UNC79: variants seen among roughly 807,000 people sequenced by gnomAD.
UNC79 encodes the protein unc-79 subunit of NALCN channel complex, also known as protein unc-79 homolog.
Under a neutral mutation model 283.1 loss-of-function variants are expected in UNC79, and 37 were observed. That is an observed-to-expected ratio of 0.13 (90% confidence interval 0.10 to 0.17). The LOEUF (loss-of-function observed/expected upper bound fraction) is 0.17, where lower values mean the gene tolerates loss of function less well. Among genes scored for constraint, UNC79 ranks in the 10% least tolerant of loss-of-function variants. UNC79 has a pLI of 1.00. For synonymous variants in UNC79, 1,107 were observed against 1,200.2 expected (o/e 0.92, Z 1.61); for missense variants, 2,272 against 3,211.1 (o/e 0.71, Z 7.07).
chr14:93,376,501 C>T (rs1192934189), intron 1 of UNC79, among the ~76,000 whole-genome samples: 1 of 152,122 alleles, frequency 6.6e-6, no homozygotes, highest in Non-Finnish European at 1.5e-5. Flanking sequence ...CACATATACA[C>T]ATATAGCTAT....
At chr14:93,511,672 C>A (rs1292500270) in intron 7 of UNC79, among the ~76,000 whole-genome samples, 1 of 152,088 alleles carries the variant, frequency 6.6e-6, no homozygotes, top group Non-Finnish European at 1.5e-5. Flanking sequence ...GTCTCGATCC[C>A]TTGACCTCGT....
chr14:93,375,827 C>T (rs2054546622), intron 1 of UNC79, among the ~76,000 whole-genome samples: 1 of 152,208 alleles, frequency 6.6e-6, no homozygotes, highest in Admixed American at 6.5e-5. Context: ...CACCAGGCAC[C>T]ACCTTCAACA....
intron 27 of UNC79, among the ~76,000 whole-genome samples, chr14:93,616,866 T>C (rs1266332334): frequency 6.6e-6 from 1 of 152,226 alleles, no homozygotes; most frequent in Non-Finnish European, 1.5e-5. Context: ...GACAAAATTT[T>C]ATTTTCAATA....
chr14:93,508,010 GTGTT>G (rs1352776799), intron 7 of UNC79, among the ~76,000 whole-genome samples: 2 of 152,002 alleles, frequency 1.3e-5, no homozygotes, highest in African/African-American at 4.8e-5. Flanking sequence ...TTTATGGACT[GTGTT>G]TGTTTTCATT....
chr14:93,404,486 T>TAAAAAAAAAAAAAAAAAAAAA lies in UNC79; in HGVS notation c.-350-63177_-350-63176insAAAAAAAAAAAAAAAAAAAAA, dbSNP rs34406486. On this transcript the variant is annotated intron_variant, in intron 1 of 49. Transcript: ENST00000256339. ...GGCTGAATGACAGAGTGAGACCTTC[T>TAAAAAAAAAAAAAAAAAAAAA]AAAAAAAATATATATATATATATAT... 2.5e-4 allele frequency among the ~76,000 whole-genome samples: 13 copies of TAAAAAAAAAAAAAAAAAAAAA among 53,016 alleles called. 1 individual carries two copies. The highest frequency in any genetic ancestry group is 1.0e-3 in the African/African-American group (13 of 12,544). 34.8% of individuals were successfully genotyped at this position (53,016 alleles called of 152,430 possible). A position where few individuals can be genotyped will look rare whatever the true frequency, so the allele number is the denominator to read the frequency against.
At chr14:93,443,768 C>T (rs1477934916) in intron 1 of UNC79, among the ~76,000 whole-genome samples, 1 of 152,108 alleles carries the variant, frequency 6.6e-6, no homozygotes, top group Admixed American at 6.5e-5. Context: ...GAGAGTCACT[C>T]ATGTTGTTGG....
chr14:93,535,757 A>T (rs1436965112), intron 11 of UNC79, among the ~76,000 whole-genome samples: 1 of 151,972 alleles, frequency 6.6e-6, no homozygotes, highest in Non-Finnish European at 1.5e-5. Context: ...ATCTGGGAGG[A>T]GTATCTAATG....
At chr14:93,368,553 A>G (rs981396888) in intron 1 of UNC79, among the ~76,000 whole-genome samples, 1 of 152,082 alleles carries the variant, frequency 6.6e-6, no homozygotes, top group African/African-American at 2.4e-5. Context: ...ACGCACTGCA[A>G]CCTGTCTCCT....
chr14:93,600,160 A>C (rs2065396638), intron 24 of UNC79, among the ~76,000 whole-genome samples: 1 of 152,182 alleles, frequency 6.6e-6, no homozygotes, highest in South Asian at 2.1e-4. Flanking sequence ...AGATCCCATC[A>C]CTGCACTCCA....
intron 1 of UNC79, among the ~76,000 whole-genome samples, chr14:93,395,389 C>T (rs1428076178): frequency 2.0e-5 from 3 of 152,206 alleles, no homozygotes; most frequent in Admixed American, 6.5e-5. Context: ...GCTGGGAGGC[C>T]TCAGGAAACT....
At position 93,491,157 on chromosome 14, in the gene UNC79, G is replaced by A. The variant is rs552215849; in HGVS notation, c.712+3402G>A. Among the ~76,000 whole-genome samples, 18 of 152,136 alleles carry A rather than the reference G, an allele frequency of 1.2e-4. No individual in the cohort carries two copies. In the South Asian group the frequency reaches 3.7e-3, roughly 32 times the overall value. On this transcript the variant is annotated intron_variant, in intron 5 of 48. Coordinates refer to ENST00000555664, the Ensembl canonical transcript of UNC79. Reference sequence around the variant, plus strand: ...TTTCTCTGGGGCCTCTTTTATAAGGGCACTAATCACCTCCTAAAGGCTCCA... The same window carrying A: ...TTTCTCTGGGGCCTCTTTTATAAGGACACTAATCACCTCCTAAAGGCTCCA...
chr14:93,636,891 G>A (rs1463152524), intron 31 of UNC79, among the ~76,000 whole-genome samples: 1 of 152,190 alleles, frequency 6.6e-6, no homozygotes, highest in African/African-American at 2.4e-5. Flanking sequence ...TGTCATGGCT[G>A]TGATATTAGC....
intron 1 of UNC79, among the ~76,000 whole-genome samples, chr14:93,423,917 T>C (rs765998567): frequency 1.3e-5 from 2 of 152,098 alleles, no homozygotes; most frequent in Non-Finnish European, 2.9e-5. Context: ...ATCAACATAG[T>C]GAAGGGCTAA....
chr14:93,473,353 A>G (rs1287897938), intron 2 of UNC79, among the ~76,000 whole-genome samples: 1 of 152,180 alleles, frequency 6.6e-6, no homozygotes, highest in Admixed American at 6.5e-5. Flanking sequence ...ATAAATAACC[A>G]TTATCATTAG....
chr14:93,587,104 C>T (rs1189148536), intron 22 of UNC79, among the ~76,000 whole-genome samples, 196 bp downstream of exon 22: 2 of 152,008 alleles, frequency 1.3e-5, no homozygotes, highest in African/African-American at 4.8e-5. Flanking sequence ...TGGTAATTTC[C>T]ATTTGCCTGA....
chr14:93,546,937 C>T (rs1287108442), intron 14 of UNC79, among the ~76,000 whole-genome samples: 1 of 152,244 alleles, frequency 6.6e-6, no homozygotes, highest in East Asian at 1.9e-4. Flanking sequence ...TGAAAATAAG[C>T]ATTTTTGCTA....
At chr14:93,554,352 C>CA (rs779847738) in intron 14 of UNC79, among the ~76,000 whole-genome samples, 2,481 of 76,254 alleles carry the variant, frequency 0.033, 44 homozygotes, top group South Asian at 0.089. Flanking sequence ...GACTCTGTCT[C>CA]AAAAAAAAAA....
At chr14:93,490,965 A>G (rs775907285) in intron 5 of UNC79, among the ~76,000 whole-genome samples, 51 of 152,224 alleles carry the variant, frequency 3.4e-4, no homozygotes, top group Non-Finnish European at 7.1e-4. Context: ...CAAAAATTCT[A>G]TAAACTGGAT....
intron 11 of UNC79, among the ~76,000 whole-genome samples, chr14:93,533,410 C>T (rs1275689250): frequency 6.6e-6 from 1 of 152,162 alleles, no homozygotes; most frequent in Non-Finnish European, 1.5e-5. Flanking sequence ...ATGCTCAGCT[C>T]AGCTAAGCAG....
Sources: gnomAD v4.1 joint callset for allele counts (sites outside exome capture counted in the v4.1 genomes callset) on GRCh38, gnomAD v4.1.1 for gene constraint, MANE v1.5 for transcripts, NCBI Gene and HGNC (gene_info 2026-07-23, HGNC 2026-07-21) for gene names.